The following LHFPL3 variants were observed in gnomAD, a reference collection of about 807,000 sequenced individuals.
LHFPL3 encodes LHFPL tetraspan subfamily member 3 protein.
Under a neutral mutation model 19.3 loss-of-function variants are expected in LHFPL3, and 5 were observed. That is an observed-to-expected ratio of 0.26 (90% CI 0.14 to 0.54). The LOEUF is 0.54. Among genes scored for constraint, LHFPL3 ranks in the 20% least tolerant of loss-of-function variants. The probability of loss-of-function intolerance (pLI) is 0.94; values close to 1 mark genes in which losing one functional copy is unlikely to be tolerated. For missense variants in LHFPL3, 249 were observed against 307.4 expected (o/e 0.81, Z 1.42); for synonymous variants, 133 against 126.2 (o/e 1.05, Z -0.36).
At chr7:104,724,147 C>A (rs569464408) in intron 1 of LHFPL3, among the ~76,000 whole-genome samples, 1 of 152,138 alleles carries the variant, frequency 6.6e-6, no homozygotes, top group African/African-American at 2.4e-5. Context: ...CTATACAAAT[C>A]GTGCAGGTTA....
chr7:104,862,126 T>A (rs1235265140), intron 2 of LHFPL3, among the ~76,000 whole-genome samples: 2 of 151,034 alleles, frequency 1.3e-5, no homozygotes, highest in Admixed American at 6.6e-5. Flanking sequence ...ACATGGAGAT[T>A]AAAAAAAAAT....
intron 1 of LHFPL3, among the ~76,000 whole-genome samples, chr7:104,585,996 AATG>A (rs1790568556): frequency 6.6e-6 from 1 of 152,132 alleles, no homozygotes; most frequent in Admixed American, 6.6e-5. Flanking sequence ...AGAAAAATTT[AATG>A]ATATTCAAAA....
intron 1 of LHFPL3, among the ~76,000 whole-genome samples, chr7:104,345,070 A>G (rs1790037480): frequency 6.6e-6 from 1 of 152,140 alleles, no homozygotes; most frequent in Non-Finnish European, 1.5e-5. Flanking sequence ...TTATACTACT[A>G]TTACATTTCT....
chr7:104,394,679 G>C (rs548345749), intron 1 of LHFPL3, among the ~76,000 whole-genome samples: 2 of 151,448 alleles, frequency 1.3e-5, no homozygotes, highest in Admixed American at 6.6e-5. Context: ...ATTGACATTA[G>C]TTTGTTATAA....
intron 1 of LHFPL3, among the ~76,000 whole-genome samples, chr7:104,634,043 A>T (rs1001440454): frequency 2.6e-5 from 4 of 152,220 alleles, no homozygotes; most frequent in African/African-American, 9.6e-5. Context: ...TATGATTATT[A>T]TCCACTATTA....
At chr7:104,367,324 C>T (rs1790513367) in intron 1 of LHFPL3, among the ~76,000 whole-genome samples, 1 of 152,154 alleles carries the variant, frequency 6.6e-6, no homozygotes. Context: ...CTGTAAACAT[C>T]AGGGCAGCCC....
intron 1 of LHFPL3, among the ~76,000 whole-genome samples, chr7:104,492,221 G>T (rs561784105): frequency 6.6e-6 from 1 of 152,148 alleles, no homozygotes; most frequent in Non-Finnish European, 1.5e-5. Context: ...TGTTATGCAT[G>T]TGATGTTCCA....
At chr7:104,746,504 A>T (rs557990969) in intron 2 of LHFPL3, among the ~76,000 whole-genome samples, 1 of 152,212 alleles carries the variant, frequency 6.6e-6, no homozygotes, top group African/African-American at 2.4e-5. Flanking sequence ...ATGAAATCTC[A>T]CCAGTTTGTT....
chr7:104,610,100 T>C (rs1459942181), intron 1 of LHFPL3, among the ~76,000 whole-genome samples: 1 of 152,188 alleles, frequency 6.6e-6, no homozygotes, highest in Non-Finnish European at 1.5e-5. Flanking sequence ...TGATCCCAGT[T>C]GGTTGTGTAG....
intron 1 of LHFPL3, among the ~76,000 whole-genome samples, chr7:104,561,236 T>G (rs1267231835): frequency 6.7e-6 from 1 of 149,184 alleles, no homozygotes; most frequent in Non-Finnish European, 1.5e-5. Flanking sequence ...CTGGGTATCC[T>G]TGTTGACTTC....
chr7:104,869,809 C>A (rs544748205), intron 2 of LHFPL3, among the ~76,000 whole-genome samples: 148 of 152,208 alleles, frequency 9.7e-4, no homozygotes, highest in African/African-American at 3.5e-3. Context: ...TATTGCGGCA[C>A]TATTCACAAT....
chr7:104,484,371 TC>T (rs1183874176), intron 1 of LHFPL3, among the ~76,000 whole-genome samples: 2 of 152,116 alleles, frequency 1.3e-5, no homozygotes, highest in African/African-American at 2.4e-5. Flanking sequence ...TTTCCCTCCT[TC>T]CCTTCACTTC....
chr7:104,728,300 T>C (rs747467698), intron 1 of LHFPL3, among the ~76,000 whole-genome samples: 1 of 152,146 alleles, frequency 6.6e-6, no homozygotes, highest in Non-Finnish European at 1.5e-5. Context: ...AAGAGTTATA[T>C]AGCAACCCTC....
intron 1 of LHFPL3, among the ~76,000 whole-genome samples, chr7:104,715,238 G>T (rs1584493897): frequency 6.6e-6 from 1 of 152,328 alleles, no homozygotes; most frequent in East Asian, 1.9e-4. Flanking sequence ...GTATGTGTAT[G>T]TATGTATATA....
At chr7:104,523,880 C>G (rs528441263) in intron 1 of LHFPL3, among the ~76,000 whole-genome samples, 1 of 152,292 alleles carries the variant, frequency 6.6e-6, no homozygotes, top group Non-Finnish European at 1.5e-5. Context: ...TACTCAGATT[C>G]ATGGTGCTCA....
At chr7:104,591,866 G>C (rs1161853797) in intron 1 of LHFPL3, among the ~76,000 whole-genome samples, 2 of 151,936 alleles carry the variant, frequency 1.3e-5, no homozygotes, top group Non-Finnish European at 2.9e-5. Flanking sequence ...TCATTCATTA[G>C]ATCTTCAATC....
intron 2 of LHFPL3, among the ~76,000 whole-genome samples, chr7:104,832,151 G>T (rs1790965191): frequency 6.6e-6 from 1 of 151,928 alleles, no homozygotes; most frequent in South Asian, 2.1e-4. Flanking sequence ...TCATTAAAAG[G>T]GCTTGATGCA....
chr7:104,385,423 G>T (rs972530847), intron 1 of LHFPL3, among the ~76,000 whole-genome samples: 1 of 152,178 alleles, frequency 6.6e-6, no homozygotes, highest in Admixed American at 6.5e-5. Flanking sequence ...ATGAGAAGCT[G>T]TCCTAAAGAT....
chr7:104,822,276 A>G (rs2116526649), intron 2 of LHFPL3, among the ~76,000 whole-genome samples: 1 of 152,346 alleles, frequency 6.6e-6, no homozygotes, highest in South Asian at 2.1e-4. Context: ...TGTAATACAA[A>G]TATCTAGAAG....
Sources: gnomAD v4.1 joint callset for allele counts (sites outside exome capture counted in the v4.1 genomes callset) on GRCh38, gnomAD v4.1.1 for gene constraint, MANE v1.5 for transcripts, NCBI Gene and HGNC (gene_info 2026-07-23, HGNC 2026-07-21) for gene names.